The following PDE4D variants were observed in gnomAD, a reference collection of about 807,000 sequenced individuals.
The protein encoded by PDE4D is 3',5'-cyclic-AMP phosphodiesterase 4D.
A neutral mutation model predicts 87.4 loss-of-function variants in PDE4D; 24 were observed. The observed-to-expected ratio is 0.27, with a 90% confidence interval of 0.20 to 0.39. The LOEUF is 0.39. Among genes scored for constraint, PDE4D ranks in the 10% least tolerant of loss-of-function variants. PDE4D has a pLI of 1.00. For synonymous variants in PDE4D, 384 were observed against 383.2 expected, an observed-to-expected ratio of 1.00 and a Z score of -0.02; for missense variants, 714 against 1,041.0, an observed-to-expected ratio of 0.69 and a Z score of 4.32.
intron 2 of PDE4D, among the ~76,000 whole-genome samples, chr5:60,009,770 C>CTT (rs974233605): frequency 7.9e-5 from 12 of 152,212 alleles, no homozygotes; most frequent in Non-Finnish European, 1.3e-4. Context: ...CTATCATAAA[C>CTT]TTATATTCCT....
intron 1 of PDE4D, among the ~76,000 whole-genome samples, chr5:59,404,681 A>AG (rs1397386540): frequency 2.0e-5 from 3 of 147,368 alleles, no homozygotes; most frequent in Non-Finnish European, 1.5e-5. Flanking sequence ...AAAAAAAAAA[A>AG]TCTTTGCTCA....
intron 11 of PDE4D, among the ~76,000 whole-genome samples, chr5:58,987,487 C>G (rs1432392298): frequency 3.3e-5 from 5 of 152,134 alleles, no homozygotes; most frequent in African/African-American, 1.2e-4. Context: ...TCCTAAAGCT[C>G]TGAATTAAAT....
chr5:59,608,802 T>A (rs1187402498), intron 1 of PDE4D, among the ~76,000 whole-genome samples: 1 of 152,126 alleles, frequency 6.6e-6, no homozygotes, highest in Non-Finnish European at 1.5e-5. Flanking sequence ...CAGACAGCAG[T>A]GATGACATGT....
intron 1 of PDE4D, among the ~76,000 whole-genome samples, chr5:60,495,220 G>T (rs1246067400): frequency 6.6e-6 from 1 of 152,162 alleles, no homozygotes; most frequent in Non-Finnish European, 1.5e-5. Context: ...TCAGTCCATG[G>T]TATTTTGTCT....
At chr5:60,180,269 C>A (rs1784271393) in intron 2 of PDE4D, among the ~76,000 whole-genome samples, 1 of 152,130 alleles carries the variant, frequency 6.6e-6, no homozygotes, top group Non-Finnish European at 1.5e-5. Flanking sequence ...TATTTATACT[C>A]TTGGCTATTC....
intron 2 of PDE4D, among the ~76,000 whole-genome samples, chr5:60,004,430 T>C (rs1373394694): frequency 1.3e-5 from 2 of 152,190 alleles, no homozygotes; most frequent in African/African-American, 4.8e-5. Flanking sequence ...TTATTTATAA[T>C]ACTAATACTA....
At chr5:59,227,967 C>A (rs1017275166) in intron 1 of PDE4D, among the ~76,000 whole-genome samples, 1 of 152,058 alleles carries the variant, frequency 6.6e-6, no homozygotes, top group African/African-American at 2.4e-5. Context: ...TTAATTACAG[C>A]CCTATTCACA....
At chr5:59,302,266 C>T (rs901293587) in intron 1 of PDE4D, among the ~76,000 whole-genome samples, 16 of 152,170 alleles carry the variant, frequency 1.1e-4, no homozygotes, top group Non-Finnish European at 2.4e-4. Context: ...CTATAAAAGC[C>T]TTGAACCAAT....
chr5:60,316,176 G>T (rs879481602), intron 1 of PDE4D, among the ~76,000 whole-genome samples: 2 of 152,166 alleles, frequency 1.3e-5, no homozygotes, highest in African/African-American at 4.8e-5. Context: ...GCAGTGGTTT[G>T]TAGTTCTCCT....
At position 59,838,902 on chromosome 5, in the gene PDE4D, A is replaced by G. The variant is rs561665891; in HGVS notation, c.455+54266T>C. 7.2e-5 allele frequency among the ~76,000 whole-genome samples: 11 copies of G among 152,100 alleles called. No homozygotes were observed. The South Asian group carries it at 2.3e-3, about 32-fold the overall frequency. On this transcript the variant is annotated intron_variant, in intron 1 of 14. Coordinates refer to ENST00000340635, the MANE Select transcript of PDE4D (RefSeq NM_001104631.2). ...TTATTATACATTTACACAGACACACATCATTAGTTCTTTATTGACATCCTG... is the reference window on the plus strand; with the variant it reads ...TTATTATACATTTACACAGACACACGTCATTAGTTCTTTATTGACATCCTG...
chr5:59,245,977 A>G (rs7717303), intron 1 of PDE4D, among the ~76,000 whole-genome samples: 47,788 of 150,964 alleles, frequency 0.32, 8,065 homozygotes, highest in Admixed American at 0.41. Context: ...GTGTCTGTGG[A>G]TGTTGGTGTG....
chr5:59,228,436 C>A (rs1019692429), intron 1 of PDE4D, among the ~76,000 whole-genome samples: 52 of 107,566 alleles, frequency 4.8e-4, no homozygotes, highest in African/African-American at 1.8e-3. Context: ...TTAACAACAA[C>A]AACAAAAAAA....
intron 1 of PDE4D, among the ~76,000 whole-genome samples, chr5:60,371,765 C>T (rs1159604205): frequency 6.6e-6 from 1 of 152,154 alleles, no homozygotes; most frequent in Non-Finnish European, 1.5e-5. Context: ...TCATGGCATG[C>T]ACTCTTTTGT....
At chr5:60,241,900 T>C (rs1464918780) in intron 1 of PDE4D, among the ~76,000 whole-genome samples, 1 of 152,106 alleles carries the variant, frequency 6.6e-6, no homozygotes, top group Non-Finnish European at 1.5e-5. Flanking sequence ...GAAATAATCC[T>C]AAAAGCAGCA....
intron 1 of PDE4D, among the ~76,000 whole-genome samples, chr5:60,217,894 T>C (rs1477011179): frequency 1.3e-5 from 2 of 151,844 alleles, no homozygotes; most frequent in South Asian, 2.1e-4. Flanking sequence ...ACACTGACAA[T>C]ATCACATATG....
chr5:60,475,938 C>CA (rs1748283040), intron 1 of PDE4D, among the ~76,000 whole-genome samples: 1 of 150,900 alleles, frequency 6.6e-6, no homozygotes, highest in African/African-American at 2.5e-5. Context: ...AGTAGATAAT[C>CA]AATAAGGGGT....
chr5:59,361,192 G>A lies in PDE4D; in HGVS notation c.456-145224C>T, dbSNP rs557313345. On this transcript the variant is annotated intron_variant, in intron 1 of 14. Transcript: ENST00000340635. ...AATGGGATTGAAGGAAAGAAATCAT[G>A]GAGGAAGAAATGGAAGGAAAAGAAA... 6.6e-5 allele frequency among the ~76,000 whole-genome samples: 10 copies of A among 152,064 alleles called. No individual in the cohort carries two copies. In the South Asian group the frequency reaches 1.7e-3, roughly 25 times the overall value.
At chr5:59,710,362 T>A (rs1474427930) in intron 1 of PDE4D, among the ~76,000 whole-genome samples, 1 of 152,182 alleles carries the variant, frequency 6.6e-6, no homozygotes, top group Non-Finnish European at 1.5e-5. Context: ...TTCTGAAGCC[T>A]ACATTTATAT....
At chr5:59,455,645 T>A (rs1383882722) in intron 1 of PDE4D, among the ~76,000 whole-genome samples, 2 of 152,162 alleles carry the variant, frequency 1.3e-5, no homozygotes, top group African/African-American at 2.4e-5. Flanking sequence ...GCTACCATCC[T>A]CCAGATGCCA....
Sources: allele counts gnomAD v4.1 joint callset (sites outside exome capture counted in the v4.1 genomes callset), GRCh38; gene constraint gnomAD v4.1.1; transcripts MANE v1.5; gene names NCBI Gene and HGNC (gene_info 2026-07-23, HGNC 2026-07-21).